GABBR2: variants seen among roughly 807,000 people sequenced by gnomAD.
GABBR2 encodes gamma-aminobutyric acid type B receptor subunit 2, also known as G-protein coupled receptor 51.
GABBR2 carries 23 observed loss-of-function variants against 105.6 expected under a neutral mutation model. The ratio of observed to expected loss-of-function variants is 0.22; its 90% CI spans 0.16 to 0.31. The LOEUF is 0.31. GABBR2 is among the 10% of genes least tolerant of loss of function. The pLI is 1.00. For synonymous variants in GABBR2, 478 were observed against 499.7 expected (o/e 0.96, Z 0.58); for missense variants, 734 against 1,245.5 (o/e 0.59, Z 6.18).
At chr9:98,613,518 C>G (rs1442005182) in intron 1 of GABBR2, among the ~76,000 whole-genome samples, 1 of 151,852 alleles carries the variant, frequency 6.6e-6, no homozygotes, top group East Asian at 1.9e-4. Context: ...TTGATGTGGC[C>G]AAAAGAATAT....
At chr9:98,600,153 C>A (rs1478195366) in intron 1 of GABBR2, among the ~76,000 whole-genome samples, 1 of 152,086 alleles carries the variant, frequency 6.6e-6, no homozygotes, top group Non-Finnish European at 1.5e-5. Context: ...TGCAGCCCCC[C>A]AAATCTCCCC....
Position 98,623,454 on chromosome 9 carries a change from A to T in GABBR2, c.322-45382T>A, listed in dbSNP as rs993406382. ...AAAAATAAATAAATAAAATATTTTT[A>T]AAAAACATACAAAAACGCATAATTG... On this transcript the variant is annotated intron_variant, in intron 1 of 18. Coordinates refer to ENST00000259455, the MANE Select transcript of GABBR2 (RefSeq NM_005458.8). 8.2e-4 allele frequency among the ~76,000 whole-genome samples: 125 copies of T among 152,354 alleles called. 1 individual carries two copies. Among genetic ancestry groups the T allele is most frequent in the Non-Finnish European group, 1.5e-3 (105 of 68,036 alleles).
At chr9:98,568,249 G>A (rs1828778048) in intron 2 of GABBR2, among the ~76,000 whole-genome samples, 1 of 152,192 alleles carries the variant, frequency 6.6e-6, no homozygotes, top group Non-Finnish European at 1.5e-5. Context: ...AGTGGCACCA[G>A]GCATGGAGAG....
chr9:98,652,559 T>G (rs1052659030), intron 1 of GABBR2, among the ~76,000 whole-genome samples: 1 of 152,196 alleles, frequency 6.6e-6, no homozygotes, highest in African/African-American at 2.4e-5. Flanking sequence ...CCCAGCCTCC[T>G]CATGCTCTAG....
intron 7 of GABBR2, among the ~76,000 whole-genome samples, chr9:98,426,754 T>C (rs1360323796): frequency 6.6e-6 from 1 of 152,162 alleles, no homozygotes; most frequent in Non-Finnish European, 1.5e-5. Context: ...TCTAGCACTT[T>C]GGGAGGGAGG....
rs531147562 is a variant in GABBR2 at position 98,507,759 on chromosome 9, C to T, written c.631-11245G>A. Among the ~76,000 whole-genome samples, 22 of 152,262 alleles carry T rather than the reference C, an allele frequency of 1.4e-4. No individual in the cohort carries two copies. The South Asian group carries it at 1.9e-3, about 13-fold the overall frequency. On this transcript the variant is annotated intron_variant, in intron 3 of 18. Coordinates refer to ENST00000259455, the MANE Select transcript of GABBR2 (RefSeq NM_005458.8). ...GTCCTGGGCTCAAGATCCCTCTTCT[C>T]GGCTAAACAGAATGAATGTCCTGAT...
intron 10 of GABBR2, among the ~76,000 whole-genome samples, chr9:98,386,458 G>A (rs1363361194): frequency 6.6e-6 from 1 of 152,188 alleles, no homozygotes; most frequent in Non-Finnish European, 1.5e-5. Context: ...CCGGGTGACA[G>A]AGGGAGACAC....
At chr9:98,547,899 T>G (rs567180820) in intron 2 of GABBR2, among the ~76,000 whole-genome samples, 2 of 122,382 alleles carry the variant, frequency 1.6e-5, no homozygotes, top group South Asian at 5.4e-4. Context: ...CCTTATTGAC[T>G]TTAACATATT....
At chr9:98,536,831 A>G (rs1164963526) in intron 3 of GABBR2, among the ~76,000 whole-genome samples, 6 of 151,740 alleles carry the variant, frequency 4.0e-5, no homozygotes, top group African/African-American at 1.5e-4. Flanking sequence ...CCAACTCTTC[A>G]CACCCCTACT....
chr9:98,362,685 G>A (rs780670653), intron 13 of GABBR2, 30 bp downstream of exon 13: 32 of 1,476,068 alleles, frequency 2.2e-5, no homozygotes, highest in Non-Finnish European at 2.8e-5. Flanking sequence ...GCATCTGCAG[G>A]CTTCCCTCCT....
chr9:98,681,994 G>T (rs770740571), intron 1 of GABBR2, among the ~76,000 whole-genome samples: 1 of 152,122 alleles, frequency 6.6e-6, no homozygotes, highest in African/African-American at 2.4e-5. Flanking sequence ...TCCCACTTTG[G>T]GGGGTGGAGA....
chr9:98,644,389 A>C (rs1174041442), intron 1 of GABBR2, among the ~76,000 whole-genome samples: 2 of 152,234 alleles, frequency 1.3e-5, no homozygotes, highest in Non-Finnish European at 2.9e-5. Context: ...ATCTAAAAGG[A>C]ACCCTGGGTT....
chr9:98,613,374 C>T (rs1930422), intron 1 of GABBR2, among the ~76,000 whole-genome samples: 2 of 150,830 alleles, frequency 1.3e-5, no homozygotes, highest in African/African-American at 2.4e-5. Flanking sequence ...CAGTAGATTG[C>T]GGTTACAGTG....
intron 1 of GABBR2, among the ~76,000 whole-genome samples, chr9:98,672,968 T>G (rs1386409317): frequency 5.9e-5 from 9 of 152,236 alleles, no homozygotes; most frequent in Admixed American, 5.9e-4. Context: ...TTCATTATAG[T>G]GTCATCTTCT....
chr9:98,415,295 G>A (rs973542097), intron 7 of GABBR2, among the ~76,000 whole-genome samples: 1 of 152,050 alleles, frequency 6.6e-6, no homozygotes, highest in African/African-American at 2.4e-5. Context: ...AAAAAGATGT[G>A]ATAAGGAGGC....
intron 1 of GABBR2, among the ~76,000 whole-genome samples, chr9:98,659,794 T>A (rs1017774314): frequency 6.6e-6 from 1 of 152,078 alleles, no homozygotes; most frequent in Non-Finnish European, 1.5e-5. Context: ...GTGTTGGGAT[T>A]ACAGGTGTGA....
At chr9:98,523,622 G>C (rs1020938895) in intron 3 of GABBR2, among the ~76,000 whole-genome samples, 13 of 152,218 alleles carry the variant, frequency 8.5e-5, no homozygotes, top group Non-Finnish European at 1.9e-4. Flanking sequence ...AGATCTACAG[G>C]AGGGGCTTGA....
intron 5 of GABBR2, among the ~76,000 whole-genome samples, chr9:98,477,161 T>G (rs1165449505): frequency 6.6e-6 from 1 of 152,234 alleles, no homozygotes; most frequent in Non-Finnish European, 1.5e-5. Context: ...CTACAGTGCC[T>G]GGTATACAGG....
At chr9:98,298,663 T>C (rs1830420406) in intron 17 of GABBR2, among the ~76,000 whole-genome samples, 1 of 152,198 alleles carries the variant, frequency 6.6e-6, no homozygotes, top group Non-Finnish European at 1.5e-5. Context: ...TGCTATGCTG[T>C]CCAGGCTGAT....
Sources: allele counts gnomAD v4.1 joint callset (sites outside exome capture counted in the v4.1 genomes callset), GRCh38; gene constraint gnomAD v4.1.1; transcripts MANE v1.5; gene names NCBI Gene and HGNC (gene_info 2026-07-23, HGNC 2026-07-21).